NXPH1: variants seen among roughly 807,000 people sequenced by gnomAD.
NXPH1 encodes the protein neurexophilin 1.
A neutral mutation model predicts 23.7 loss-of-function variants in NXPH1; 5 were observed. The ratio of observed to expected loss-of-function variants is 0.21; its 90% CI spans 0.11 to 0.44. The LOEUF (loss-of-function observed/expected upper bound fraction) is 0.44, where lower values mean the gene tolerates loss of function less well. Among genes scored for constraint, NXPH1 ranks in the 20% least tolerant of loss-of-function variants. The probability of loss-of-function intolerance (pLI) is 0.99; values close to 1 mark genes in which losing one functional copy is unlikely to be tolerated. For synonymous variants in NXPH1, 144 were observed against 122.2 expected (o/e 1.18, Z -1.18); for missense variants, 324 against 321.6 (o/e 1.01, Z -0.06).
intron 2 of NXPH1, among the ~76,000 whole-genome samples, chr7:8,747,269 G>C (rs562924438): frequency 1.2e-4 from 19 of 152,338 alleles, no homozygotes; most frequent in African/African-American, 3.8e-4. Flanking sequence ...TACTACAGCT[G>C]TGGATAACAT....
At position 8,433,721 on chromosome 7, in the gene NXPH1, C is replaced by G. The variant is rs376675579; in HGVS notation, c.-1145C>G. Among the ~76,000 whole-genome samples, 1 of 152,090 alleles carries G rather than the reference C, an allele frequency of 6.6e-6. No individual in the cohort carries two copies. Among genetic ancestry groups the G allele is most frequent in the Non-Finnish European group, 1.5e-5 (1 of 67,938 alleles). On this transcript the variant is annotated 5_prime_UTR_variant, in exon 1 of 3. Coordinates refer to ENST00000405863, the MANE Select transcript of NXPH1 (RefSeq NM_152745.3). The surrounding 1 kb of genome is among the most constrained non-coding windows in gnomAD (Gnocchi z 6.8). ...CGTCGGCGCTCGAGGCCGGCAGGGG[C>G]GCCCTGCACCCTCCCGCGCCCTTCC...
intron 2 of NXPH1, among the ~76,000 whole-genome samples, chr7:8,593,098 A>C (rs1819135377): frequency 6.6e-6 from 1 of 151,882 alleles, no homozygotes; most frequent in Non-Finnish European, 1.5e-5. Flanking sequence ...GGTTCCCAGA[A>C]TGATTTCTTA....
intron 2 of NXPH1, among the ~76,000 whole-genome samples, chr7:8,521,268 G>A (rs1817766735): frequency 6.6e-6 from 1 of 152,150 alleles, no homozygotes; most frequent in African/African-American, 2.4e-5. Flanking sequence ...TGATGTCCCA[G>A]TCCATTTGGG....
chr7:8,472,912 C>G (rs886920396), intron 2 of NXPH1, among the ~76,000 whole-genome samples: 13 of 152,258 alleles, frequency 8.5e-5, no homozygotes, highest in African/African-American at 3.1e-4. Context: ...AAAGCCATTA[C>G]TGTTCTGAGA....
intron 2 of NXPH1, among the ~76,000 whole-genome samples, chr7:8,540,824 T>TG (rs1335841653): frequency 6.6e-6 from 1 of 151,700 alleles, no homozygotes; most frequent in Admixed American, 6.6e-5. Flanking sequence ...TCATGATTCA[T>TG]GGGCTGAAAG....
At chr7:8,612,257 C>T (rs891512650) in intron 2 of NXPH1, among the ~76,000 whole-genome samples, 2 of 144,274 alleles carry the variant, frequency 1.4e-5, no homozygotes, top group Admixed American at 7.1e-5. Flanking sequence ...TTCTTCCTAC[C>T]TTCCTTCCTT....
chr7:8,461,979 G>A (rs1002783832), intron 2 of NXPH1, among the ~76,000 whole-genome samples: 11 of 152,086 alleles, frequency 7.2e-5, no homozygotes, highest in Non-Finnish European at 1.5e-4. Context: ...TAATATAGAT[G>A]TTCTTTTCTT....
At chr7:8,710,647 GTTTTTTTT>G (rs1424880912) in intron 2 of NXPH1, among the ~76,000 whole-genome samples, 863 of 51,718 alleles carry the variant, frequency 0.017, 209 homozygotes, top group African/African-American at 0.063. Flanking sequence ...TACGTTTTTT[GTTTTTTTT>G]TTTTTTTTTT....
At chr7:8,601,442 T>C (rs1188861628) in intron 2 of NXPH1, among the ~76,000 whole-genome samples, 1 of 152,174 alleles carries the variant, frequency 6.6e-6, no homozygotes, top group Non-Finnish European at 1.5e-5. Context: ...ATCCAGTGAC[T>C]CTGAGGTTAC....
chr7:8,537,240 C>A (rs371711187), intron 2 of NXPH1, among the ~76,000 whole-genome samples: 1 of 151,894 alleles, frequency 6.6e-6, no homozygotes, highest in African/African-American at 2.4e-5. Flanking sequence ...TCTCCCTCTC[C>A]CCCTATTCAC....
At chr7:8,500,964 C>G (rs921897014) in intron 2 of NXPH1, among the ~76,000 whole-genome samples, 1 of 152,014 alleles carries the variant, frequency 6.6e-6, no homozygotes, top group African/African-American at 2.4e-5. Flanking sequence ...TCCAGTAAAA[C>G]ATAATGTTCA....
chr7:8,655,451 TACACACACAC>T (rs71017603), intron 2 of NXPH1, among the ~76,000 whole-genome samples: 4 of 139,174 alleles, frequency 2.9e-5, no homozygotes, highest in East Asian at 4.2e-4. Flanking sequence ...TCTCTCTCTA[TACACACACAC>T]ACACACACAC....
intron 2 of NXPH1, among the ~76,000 whole-genome samples, chr7:8,499,169 C>G (rs1241989404): frequency 6.6e-6 from 1 of 151,968 alleles, no homozygotes; most frequent in African/African-American, 2.4e-5. Flanking sequence ...GTTCCTATAC[C>G]AAGCAGGAAA....
chr7:8,656,309 G>A (rs999898760), intron 2 of NXPH1, among the ~76,000 whole-genome samples: 1 of 152,136 alleles, frequency 6.6e-6, no homozygotes, highest in East Asian at 1.9e-4. Context: ...TAGAATAAAT[G>A]AATAATTAAT....
At chr7:8,679,977 T>C (rs1036841133) in intron 2 of NXPH1, among the ~76,000 whole-genome samples, 1 of 152,252 alleles carries the variant, frequency 6.6e-6, no homozygotes, top group Admixed American at 6.5e-5. Flanking sequence ...GCAGAGATTG[T>C]GCCATTGCAC....
intron 2 of NXPH1, among the ~76,000 whole-genome samples, chr7:8,689,308 C>A (rs1049245470): frequency 1.1e-4 from 10 of 88,098 alleles, no homozygotes; most frequent in African/African-American, 4.0e-4. Flanking sequence ...ACATTCTATG[C>A]AGATGAAGTG....
intron 2 of NXPH1, among the ~76,000 whole-genome samples, chr7:8,674,199 A>ACC (rs1820914548): frequency 7.0e-6 from 1 of 141,990 alleles, no homozygotes; most frequent in Non-Finnish European, 1.6e-5. Context: ...ACACACACAC[A>ACC]CACACCTATG....
At chr7:8,578,151 C>A (rs932564741) in intron 2 of NXPH1, among the ~76,000 whole-genome samples, 4 of 152,152 alleles carry the variant, frequency 2.6e-5, no homozygotes, top group Non-Finnish European at 5.9e-5. Context: ...CTGGTTCCTA[C>A]CTGAAGGTAT....
At chr7:8,546,153 A>C (rs1020934202) in intron 2 of NXPH1, among the ~76,000 whole-genome samples, 2 of 151,278 alleles carry the variant, frequency 1.3e-5, no homozygotes, top group African/African-American at 4.8e-5. Context: ...AATTATTTTG[A>C]TGTGTTAAGT....
Sources: gnomAD v4.1 joint callset for allele counts (sites outside exome capture counted in the v4.1 genomes callset) on GRCh38, gnomAD v4.1.1 for gene constraint, Gnocchi (gnomAD v3.1) non-coding constraint, MANE v1.5 for transcripts, NCBI Gene and HGNC (gene_info 2026-07-23, HGNC 2026-07-21) for gene names.